PTPRD: variants seen among roughly 807,000 people sequenced by gnomAD.
The protein encoded by PTPRD is protein tyrosine phosphatase receptor type D.
In PTPRD, 34 loss-of-function variants were observed where a neutral mutation model predicts 214.5. That is an observed-to-expected ratio of 0.16 (90% CI 0.12 to 0.21). The LOEUF (loss-of-function observed/expected upper bound fraction) is 0.21, where lower values mean the gene tolerates loss of function less well. Ranked by LOEUF, PTPRD falls within the 10% of genes least tolerant of loss-of-function variation. The pLI, the probability that PTPRD is intolerant of heterozygous loss-of-function variation, is 1.00. For missense variants in PTPRD, 2,545 were observed against 2,398.7 expected (o/e 1.06, Z -1.27); for synonymous variants, 1,128 against 845.7 (o/e 1.33, Z -5.79).
chr9:8,754,521 CA>C (rs1357634990), intron 11 of PTPRD, among the ~76,000 whole-genome samples: 1 of 152,138 alleles, frequency 6.6e-6, no homozygotes, highest in African/African-American at 2.4e-5. Flanking sequence ...TCTTTTCAAT[CA>C]GTGGTGATGG....
intron 9 of PTPRD, among the ~76,000 whole-genome samples, chr9:9,383,090 T>C (rs1342671421): frequency 1.3e-5 from 2 of 152,092 alleles, no homozygotes; most frequent in African/African-American, 4.8e-5. Context: ...TTTCTTAAAT[T>C]TGGGAATTAT....
chr9:8,344,476 G>GA (rs1366627177), intron 39 of PTPRD, among the ~76,000 whole-genome samples: 2 of 151,524 alleles, frequency 1.3e-5, no homozygotes, highest in Non-Finnish European at 2.9e-5. Flanking sequence ...AAAAATAAGG[G>GA]AAAAAAATCA....
chr9:8,741,054 T>G (rs901444649), intron 11 of PTPRD, among the ~76,000 whole-genome samples: 3 of 152,230 alleles, frequency 2.0e-5, no homozygotes, highest in Non-Finnish European at 4.4e-5. Flanking sequence ...TTATTATTGA[T>G]GCATCCCTGT....
intron 14 of PTPRD, among the ~76,000 whole-genome samples, chr9:8,576,277 T>C (rs1476567655): frequency 2.0e-5 from 3 of 152,174 alleles, no homozygotes; most frequent in Non-Finnish European, 1.5e-5. Flanking sequence ...AAACACATAA[T>C]ACTAAGTTTT....
intron 4 of PTPRD, among the ~76,000 whole-genome samples, chr9:9,950,105 G>T (rs1380214265): frequency 6.6e-6 from 1 of 152,030 alleles, no homozygotes; most frequent in Non-Finnish European, 1.5e-5. Context: ...AGGTTTCCCT[G>T]GCCTTGTTTT....
chr9:9,732,811 C>T (rs1316248896), intron 7 of PTPRD, among the ~76,000 whole-genome samples: 1 of 151,910 alleles, frequency 6.6e-6, no homozygotes, highest in African/African-American at 2.4e-5. Flanking sequence ...CAGCCAGGGA[C>T]CGTGGTGTGG....
At chr9:9,822,702 G>T (rs764363067) in intron 5 of PTPRD, among the ~76,000 whole-genome samples, 1 of 151,470 alleles carries the variant, frequency 6.6e-6, no homozygotes, top group Non-Finnish European at 1.5e-5. Flanking sequence ...CAACCTACAC[G>T]TACTACAGAT....
chr9:8,347,803 G>A (rs563554541), intron 39 of PTPRD, among the ~76,000 whole-genome samples: 40 of 152,216 alleles, frequency 2.6e-4, no homozygotes, highest in African/African-American at 7.7e-4. Context: ...GCCGTGTGAC[G>A]GCACAGTGAG....
chr9:8,636,116 C>T (rs748870859), intron 13 of PTPRD, among the ~76,000 whole-genome samples: 6 of 152,232 alleles, frequency 3.9e-5, no homozygotes, highest in Admixed American at 2.6e-4. Context: ...AACACAGGTG[C>T]GAGGGGCAGT....
chr9:9,261,647 CGTGTGTGTGTGT>C (rs5896314), intron 9 of PTPRD, among the ~76,000 whole-genome samples: 1 of 148,098 alleles, frequency 6.8e-6, no homozygotes, highest in Non-Finnish European at 1.5e-5. Flanking sequence ...TGTGCATGCA[CGTGTGTGTGTGT>C]GTGTGTGTGT....
At chr9:10,201,927 G>A (rs530377197) in intron 3 of PTPRD, among the ~76,000 whole-genome samples, 4 of 151,584 alleles carry the variant, frequency 2.6e-5, no homozygotes, top group East Asian at 3.9e-4. Flanking sequence ...GTTTTTCTAC[G>A]TTCTCCAAGT....
intron 4 of PTPRD, among the ~76,000 whole-genome samples, chr9:9,987,464 A>G (rs2095756476): frequency 6.6e-6 from 1 of 152,150 alleles, no homozygotes; most frequent in South Asian, 2.1e-4. Context: ...GCAGGCAAAG[A>G]GAAGGCTTAT....
chr9:8,521,163 T>C, intron 20 of PTPRD, 114 bp downstream of exon 20: 3 of 1,264,862 alleles, frequency 2.4e-6, no homozygotes, highest in South Asian at 1.5e-5. Context: ...TATACACACA[T>C]TTAAAATGCT....
At chr9:9,942,274 C>G (rs1282430204) in intron 4 of PTPRD, among the ~76,000 whole-genome samples, 1 of 152,074 alleles carries the variant, frequency 6.6e-6, no homozygotes, top group East Asian at 1.9e-4. Flanking sequence ...TATTATGGGT[C>G]TTACATTTTT....
At chr9:10,096,587 T>A (rs1648042483) in intron 3 of PTPRD, among the ~76,000 whole-genome samples, 1 of 151,972 alleles carries the variant, frequency 6.6e-6, no homozygotes, top group South Asian at 2.1e-4. Context: ...GATGGGGTTT[T>A]TTGTTTTTTT....
rs114901465 is a variant in PTPRD, at chr9:8,602,585, A to G, written c.352+30732T>C. Among the ~76,000 whole-genome samples, 252 of 152,340 alleles carry G rather than the reference A, an allele frequency of 1.7e-3. No homozygotes were observed. In the Middle Eastern group the frequency reaches 0.024, roughly 14 times the overall value. On this transcript the variant is annotated intron_variant, in intron 14 of 45. Coordinates refer to ENST00000381196, the MANE Select transcript of PTPRD (RefSeq NM_002839.4). Reference sequence around the variant, plus strand: ...CTGCAGCAGGAATCAGCATGTTTTTATCTGACATAAAACCAAAACGGCCTT... The same window carrying G: ...CTGCAGCAGGAATCAGCATGTTTTTGTCTGACATAAAACCAAAACGGCCTT...
chr9:10,275,129 GGACACTGTATTACAGT>G, intron 3 of PTPRD, among the ~76,000 whole-genome samples: 1 of 152,112 alleles, frequency 6.6e-6, no homozygotes, highest in Middle Eastern at 3.2e-3. Context: ...ACATCTAAAA[GGACACTGTATTACAGT>G]GATTATAGAT....
At chr9:8,528,984 C>G (rs1305672279) in intron 14 of PTPRD, among the ~76,000 whole-genome samples, 14 of 152,052 alleles carry the variant, frequency 9.2e-5, no homozygotes, top group Admixed American at 8.5e-4. Context: ...CAGACTAACA[C>G]AGAGCTCAGA....
At chr9:10,182,324 G>T (rs1593370447) in intron 3 of PTPRD, among the ~76,000 whole-genome samples, 1 of 146,012 alleles carries the variant, frequency 6.8e-6, no homozygotes, top group African/African-American at 2.6e-5. Context: ...CAAAATGATA[G>T]ATTTTTAACC....
Sources: allele counts gnomAD v4.1 joint callset (sites outside exome capture counted in the v4.1 genomes callset), GRCh38; gene constraint gnomAD v4.1.1; transcripts MANE v1.5; gene names NCBI Gene and HGNC (gene_info 2026-07-23, HGNC 2026-07-21).